SYT17: variants seen among roughly 807,000 people sequenced by gnomAD.
SYT17 encodes the protein synaptotagmin-17.
Under a neutral mutation model 46.7 loss-of-function variants are expected in SYT17, and 22 were observed. The ratio of observed to expected loss-of-function variants is 0.47; its 90% CI spans 0.34 to 0.67. SYT17 has a LOEUF of 0.67. Among genes scored for constraint, SYT17 ranks in the 30% least tolerant of loss-of-function variants. SYT17 has a pLI of 0.01. For missense variants in SYT17, 519 were observed against 612.8 expected, an observed-to-expected ratio of 0.85 and a Z score of 1.62; for synonymous variants, 251 against 248.4, an observed-to-expected ratio of 1.01 and a Z score of -0.10.
chr16:19,262,999 C>T (rs1219677327), intron 7 of SYT17, among the ~76,000 whole-genome samples: 2 of 151,010 alleles, frequency 1.3e-5, no homozygotes, highest in East Asian at 3.9e-4. Context: ...TGCCCTGGTG[C>T]AGGGGTCAGC....
intron 5 of SYT17, among the ~76,000 whole-genome samples, chr16:19,185,451 A>G (rs910780427): frequency 1.1e-4 from 16 of 152,074 alleles, no homozygotes; most frequent in Non-Finnish European, 1.6e-4. Flanking sequence ...TTAGCTAGGC[A>G]TGGTAGTGCA....
intron 4 of SYT17, among the ~76,000 whole-genome samples, chr16:19,182,803 A>G (rs1308822487): frequency 6.6e-6 from 1 of 152,240 alleles, no homozygotes; most frequent in Non-Finnish European, 1.5e-5. Context: ...AGGTTTGAAT[A>G]TGAACCTTGA....
intron 7 of SYT17, among the ~76,000 whole-genome samples, chr16:19,236,545 T>C (rs1207696905): frequency 1.3e-5 from 2 of 152,036 alleles, no homozygotes. Context: ...CCCTGTGACC[T>C]CCCTCAGGTT....
Position 19,168,511 on chromosome 16 carries a change from C to T in SYT17, c.-136C>T, listed in dbSNP as rs954283177. 2.4e-6 allele frequency: 3 copies of T among 1,265,418 alleles called. No individual in the cohort carries two copies. The highest frequency in any genetic ancestry group is 2.2e-6 in the Non-Finnish European group (2 of 915,562). 78.4% of individuals were successfully genotyped at this position (1,265,418 alleles called of 1,614,324 possible). ...AGGGGCGGGCGCCGCTCATCAGCCA[C>T]GCCAGTCACGTCTGGGGCCACCGGC... On this transcript the variant is annotated 5_prime_UTR_variant, in exon 1 of 8. It adds an upstream start codon to the 5' untranslated region. Transcript: ENST00000355377. The surrounding 1 kb of genome is among the most constrained non-coding windows in gnomAD (Gnocchi z 6.9).
intron 3 of SYT17, among the ~76,000 whole-genome samples, chr16:19,178,869 TG>T (rs1371197879): frequency 6.6e-6 from 1 of 151,918 alleles, no homozygotes; most frequent in East Asian, 1.9e-4. Flanking sequence ...TTATGAGTAT[TG>T]GGGGGGATCT....
chr16:19,171,123 G>T, intron 1 of SYT17: 1 of 152,396 alleles, frequency 6.6e-6, no homozygotes, highest in Non-Finnish European at 1.5e-5. Flanking sequence ...TCCTGGCTCA[G>T]CTTGTTGCGT....
chr16:19,181,999 CAAA>C (rs371941934), intron 4 of SYT17, among the ~76,000 whole-genome samples: 8 of 81,898 alleles, frequency 9.8e-5, no homozygotes, highest in Non-Finnish European at 5.3e-5. Flanking sequence ...AACTCTGTCT[CAAA>C]AAAAAAAAAA....
chr16:19,220,117 C>T (rs1022962877), intron 5 of SYT17, among the ~76,000 whole-genome samples: 1 of 151,936 alleles, frequency 6.6e-6, no homozygotes, highest in Non-Finnish European at 1.5e-5. Flanking sequence ...CTCAGTTGAC[C>T]ATTCCTATTT....
intron 7 of SYT17, among the ~76,000 whole-genome samples, chr16:19,239,661 A>G (rs1409041004): frequency 5.3e-5 from 8 of 152,186 alleles, no homozygotes; most frequent in Admixed American, 3.3e-4. Context: ...TAGAAACGCT[A>G]TGACATAGTG....
Position 19,168,723 on chromosome 16 carries a change from C to T in SYT17, c.15+62C>T. 1.4e-6 allele frequency: 2 copies of T among 1,417,712 alleles called. No individual in the cohort carries two copies. Among genetic ancestry groups the T allele is most frequent in the East Asian group, 3.0e-5 (1 of 32,928 alleles). The allele number at this position is 1,417,712 out of a possible 1,614,324, so 87.8% of individuals were successfully genotyped here. ...GTAGGGGGTGCCGCGCCCCCTCCGG[C>T]TGGGAGCGCGCGGAAGGGAGGGCCC... On this transcript the variant is annotated intron_variant, in intron 1 of 7. Transcript: ENST00000355377. The surrounding 1 kb of genome is among the most constrained non-coding windows in gnomAD (Gnocchi z 6.9).
At chr16:19,230,402 T>TA (rs1488005014) in intron 7 of SYT17, among the ~76,000 whole-genome samples, 3 of 150,182 alleles carry the variant, frequency 2.0e-5, no homozygotes, top group Non-Finnish European at 4.4e-5. Flanking sequence ...AGTGAAACTC[T>TA]TTAAAAAAAA....
At chr16:19,171,651 T>C (rs762953449) in intron 1 of SYT17, 2 of 152,180 alleles carry the variant, frequency 1.3e-5, no homozygotes, top group Non-Finnish European at 2.9e-5. Context: ...TAACTTAATT[T>C]TTTTTCTATA....
chr16:19,219,345 T>A lies in SYT17; in HGVS notation c.952-3700T>A, dbSNP rs1369914947. Among the ~76,000 whole-genome samples, 11 of 26,012 alleles carry A rather than the reference T, an allele frequency of 4.2e-4. 5 individuals are homozygous for A. The highest frequency in any genetic ancestry group is 6.6e-4 in the African/African-American group (2 of 3,046). 17.1% of individuals were successfully genotyped at this position (26,012 alleles called of 152,430 possible). A position where few individuals can be genotyped will look rare whatever the true frequency, so the allele number is the denominator to read the frequency against. The stretch of plus-strand genomic sequence containing the variant: ...TGAACCCGGGAAGCGGAGCTTGCAG[T>A]GAGCCGAGATTGCGCCACTGCAGTC... On this transcript the variant is annotated intron_variant, in intron 5 of 7. Coordinates refer to ENST00000355377, the MANE Select transcript of SYT17 (RefSeq NM_016524.4).
chr16:19,190,374 A>C (rs1964963291), intron 5 of SYT17, among the ~76,000 whole-genome samples: 1 of 152,150 alleles, frequency 6.6e-6, no homozygotes, highest in African/African-American at 2.4e-5. Flanking sequence ...TCCGTCTCGA[A>C]ATTTAAAAAA....
At chr16:19,252,358 CATATATATAT>C (rs1448073174) in intron 7 of SYT17, among the ~76,000 whole-genome samples, 1 of 57,942 alleles carries the variant, frequency 1.7e-5, no homozygotes, top group Non-Finnish European at 2.7e-5. Context: ...GCCATATACA[CATATATATAT>C]ACATATATAT....
chr16:19,192,085 T>C (rs1163310746), intron 5 of SYT17, among the ~76,000 whole-genome samples: 2 of 152,246 alleles, frequency 1.3e-5, no homozygotes, highest in Non-Finnish European at 2.9e-5. Context: ...GCGGCCGCAC[T>C]GTACAATTCT....
intron 5 of SYT17, among the ~76,000 whole-genome samples, chr16:19,195,846 G>A (rs1965218915): frequency 6.6e-6 from 1 of 152,138 alleles, no homozygotes; most frequent in African/African-American, 2.4e-5. Flanking sequence ...TTAGCCTGAT[G>A]TGGTGATGCA....
rs1376424797 is a variant in SYT17 at position 19,268,247 on chromosome 16, A to G, written c.*1171A>G. ...TCTCTCTTTCCTCTCTCTCTGTTGGATGCTTCTGTATCTTTTTCCACAGCA... is the reference window on the plus strand; with the variant it reads ...TCTCTCTTTCCTCTCTCTCTGTTGGGTGCTTCTGTATCTTTTTCCACAGCA... On this transcript the variant is annotated 3_prime_UTR_variant, in exon 8 of 8. Coordinates refer to ENST00000355377, the MANE Select transcript of SYT17 (RefSeq NM_016524.4). The G allele has an allele frequency of 6.6e-6, 1 of 151,476 alleles. No individual in the cohort carries two copies. The highest frequency in any genetic ancestry group is 1.5e-5 in the Non-Finnish European group (1 of 67,920). The allele number at this position is 151,476 out of a possible 1,614,324, so 9.4% of individuals were successfully genotyped here.
At chr16:19,223,968 A>T (rs1229948810) in intron 6 of SYT17, among the ~76,000 whole-genome samples, 1 of 152,250 alleles carries the variant, frequency 6.6e-6, no homozygotes. Context: ...TAGGGAAGTT[A>T]CTTAACCACT....
Sources: gnomAD v4.1 joint callset for allele counts (sites outside exome capture counted in the v4.1 genomes callset) on GRCh38, gnomAD v4.1.1 for gene constraint, Gnocchi (gnomAD v3.1) non-coding constraint, MANE v1.5 for transcripts, NCBI Gene and HGNC (gene_info 2026-07-23, HGNC 2026-07-21) for gene names.